The following AKAP6 variants were observed in gnomAD, a reference collection of about 807,000 sequenced individuals.
AKAP6 encodes A-kinase anchoring protein 6.
In AKAP6, 58 loss-of-function variants were observed where a neutral mutation model predicts 188.5. The observed-to-expected ratio is 0.31, with a 90% CI of 0.25 to 0.38. The LOEUF is 0.38. Ranked by LOEUF, AKAP6 falls within the 10% of genes least tolerant of loss-of-function variation. The pLI, the probability that AKAP6 is intolerant of heterozygous loss-of-function variation, is 1.00. For missense variants in AKAP6, 2,710 were observed against 2,740.0 expected (o/e 0.99, Z 0.24); for synonymous variants, 989 against 998.6 (o/e 0.99, Z 0.18).
intron 7 of AKAP6, among the ~76,000 whole-genome samples, chr14:32,632,203 G>A (rs555053874): frequency 4.5e-4 from 69 of 152,048 alleles, no homozygotes; most frequent in African/African-American, 1.6e-3. Flanking sequence ...AATATTTAGT[G>A]AGCATCTTAT....
intron 12 of AKAP6, among the ~76,000 whole-genome samples, chr14:32,809,817 A>G (rs969039115): frequency 6.6e-6 from 1 of 152,226 alleles, no homozygotes; most frequent in Non-Finnish European, 1.5e-5. Flanking sequence ...CCTTGTGCTC[A>G]GTAATCGCAG....
chr14:32,618,689 T>C (rs1886688335), intron 7 of AKAP6, among the ~76,000 whole-genome samples: 1 of 152,158 alleles, frequency 6.6e-6, no homozygotes, highest in South Asian at 2.1e-4. Flanking sequence ...TATAATGACT[T>C]TGTTTCATTT....
intron 6 of AKAP6, among the ~76,000 whole-genome samples, chr14:32,600,056 T>C (rs895656033): frequency 6.6e-6 from 1 of 152,204 alleles, no homozygotes; most frequent in African/African-American, 2.4e-5. Context: ...AAAAATAGTT[T>C]TGTCATTTGG....
intron 1 of AKAP6, among the ~76,000 whole-genome samples, chr14:32,353,318 T>G (rs1412821477): frequency 6.6e-6 from 1 of 152,156 alleles, no homozygotes; most frequent in Non-Finnish European, 1.5e-5. Context: ...ATCCCAGCAC[T>G]TTGGGAAGCC....
chr14:32,771,124 A>G (rs1169136606), intron 11 of AKAP6, among the ~76,000 whole-genome samples: 1 of 152,216 alleles, frequency 6.6e-6, no homozygotes, highest in Non-Finnish European at 1.5e-5. Flanking sequence ...ACGAATGCAT[A>G]TGTATATTTT....
intron 11 of AKAP6, among the ~76,000 whole-genome samples, chr14:32,739,802 C>T (rs1347392375): frequency 6.6e-6 from 1 of 152,128 alleles, no homozygotes; most frequent in Non-Finnish European, 1.5e-5. Context: ...GCTTCCAAAT[C>T]TTGGCTATTG....
intron 1 of AKAP6, among the ~76,000 whole-genome samples, chr14:32,334,256 A>G (rs1369956827): frequency 6.6e-6 from 1 of 152,156 alleles, no homozygotes; most frequent in East Asian, 1.9e-4. Context: ...TGCAGAAATA[A>G]ACAATAAGTT....
At chr14:32,566,927 A>T (rs979589980) in intron 4 of AKAP6, among the ~76,000 whole-genome samples, 7 of 151,868 alleles carry the variant, frequency 4.6e-5, no homozygotes, top group African/African-American at 1.7e-4. Context: ...TCAAGTACTT[A>T]ATTTTTTTTT....
chr14:32,774,591 C>T (rs2032997387), intron 12 of AKAP6, among the ~76,000 whole-genome samples: 1 of 152,128 alleles, frequency 6.6e-6, no homozygotes, highest in Non-Finnish European at 1.5e-5. Context: ...AAGTTGTTTC[C>T]TTGTAATATA....
intron 1 of AKAP6, among the ~76,000 whole-genome samples, chr14:32,407,805 C>A (rs566883149): frequency 2.0e-5 from 3 of 152,122 alleles, no homozygotes; most frequent in Admixed American, 6.6e-5. Context: ...AAAATCCCCA[C>A]GGATTCTGGA....
At chr14:32,769,037 ATTT>A (rs544997334) in intron 11 of AKAP6, among the ~76,000 whole-genome samples, 51 of 56,910 alleles carry the variant, frequency 9.0e-4, no homozygotes, top group East Asian at 4.8e-3. Flanking sequence ...TGCTCTTTTG[ATTT>A]TTTTTTTTTT....
chr14:32,746,422 A>T (rs2031912823), intron 11 of AKAP6, among the ~76,000 whole-genome samples: 1 of 152,258 alleles, frequency 6.6e-6, no homozygotes, highest in Non-Finnish European at 1.5e-5. Context: ...CTTTCAAGGT[A>T]GTGGGTTTCC....
intron 12 of AKAP6, among the ~76,000 whole-genome samples, chr14:32,782,277 A>G (rs2033277326): frequency 6.6e-6 from 1 of 152,030 alleles, no homozygotes; most frequent in Admixed American, 6.6e-5. Context: ...ATGGGGATCC[A>G]CAGCTAAGAA....
chr14:32,837,201 G>T lies in AKAP6; in HGVS notation c.*7396G>T, dbSNP rs1214464332. 2 of 152,154 alleles carry T rather than the reference G, an allele frequency of 1.3e-5. No homozygotes were observed. Among genetic ancestry groups the T allele is most frequent in the East Asian group, 3.8e-4 (2 of 5,200 alleles). The allele number at this position is 152,154 out of a possible 1,614,324, so 9.4% of individuals were successfully genotyped here. On this transcript the variant is annotated 3_prime_UTR_variant, in exon 14 of 14. Transcript: ENST00000280979. ...TTTGGTAATTTTTCCATACCATTAA[G>T]ATGTATGATAATGGATTTTATTAAT...
At chr14:32,788,617 C>G (rs1164567237) in intron 12 of AKAP6, among the ~76,000 whole-genome samples, 3 of 152,022 alleles carry the variant, frequency 2.0e-5, no homozygotes, top group African/African-American at 7.2e-5. Context: ...TGCAACCCCC[C>G]CCAGGAAACC....
chr14:32,606,613 A>G (rs1886135582), intron 7 of AKAP6, among the ~76,000 whole-genome samples: 1 of 152,162 alleles, frequency 6.6e-6, no homozygotes, highest in South Asian at 2.1e-4. Flanking sequence ...AAATTCAGAA[A>G]ACTTTACAGC....
At chr14:32,726,481 G>T (rs1333770975) in intron 9 of AKAP6, among the ~76,000 whole-genome samples, 2 of 152,176 alleles carry the variant, frequency 1.3e-5, no homozygotes, top group Non-Finnish European at 2.9e-5. Context: ...TTCTAAAAAT[G>T]TCCATTTTTT....
intron 1 of AKAP6, among the ~76,000 whole-genome samples, chr14:32,363,177 G>C (rs1348513616): frequency 6.6e-6 from 1 of 152,068 alleles, no homozygotes; most frequent in Non-Finnish European, 1.5e-5. Flanking sequence ...GTGTGCTTTG[G>C]GTGGTCAGTT....
intron 7 of AKAP6, among the ~76,000 whole-genome samples, chr14:32,663,893 G>A (rs1031360713): frequency 6.6e-6 from 1 of 152,048 alleles, no homozygotes; most frequent in Non-Finnish European, 1.5e-5. Context: ...TACATAAGGG[G>A]GGGAAATAGT....
Sources: allele counts gnomAD v4.1 joint callset (sites outside exome capture counted in the v4.1 genomes callset), GRCh38; gene constraint gnomAD v4.1.1; transcripts MANE v1.5; gene names NCBI Gene and HGNC (gene_info 2026-07-23, HGNC 2026-07-21).